The following STAG1 variants were observed in gnomAD, a reference collection of about 807,000 sequenced individuals.
The protein encoded by STAG1 is cohesin subunit SA-1.
A neutral mutation model predicts 170.9 loss-of-function variants in STAG1; 26 were observed. The observed-to-expected ratio is 0.15, with a 90% CI of 0.11 to 0.21. STAG1 has a LOEUF of 0.21. Among genes scored for constraint, STAG1 ranks in the 10% least tolerant of loss-of-function variants. The pLI is 1.00. For missense variants in STAG1, 964 were observed against 1,509.5 expected, an observed-to-expected ratio of 0.64 and a Z score of 5.99; for synonymous variants, 514 against 497.7, an observed-to-expected ratio of 1.03 and a Z score of -0.44.
chr3:136,470,698 G>A (rs923343219), intron 12 of STAG1, among the ~76,000 whole-genome samples: 22 of 152,126 alleles, frequency 1.4e-4, no homozygotes, highest in South Asian at 4.2e-4. Flanking sequence ...TGTTTATTGC[G>A]GCACTATTCA....
intron 1 of STAG1, among the ~76,000 whole-genome samples, chr3:136,700,644 T>C (rs1243689045): frequency 6.6e-6 from 1 of 151,868 alleles, no homozygotes; most frequent in African/African-American, 2.4e-5. Flanking sequence ...GGTCTCGAAC[T>C]CCTGACCACA....
intron 3 of STAG1, among the ~76,000 whole-genome samples, chr3:136,622,135 T>TAAAAAAAAAAAAAAA (rs75542452): frequency 3.2e-5 from 3 of 92,812 alleles, no homozygotes; most frequent in South Asian, 3.8e-4. Flanking sequence ...CCATCTCTAC[T>TAAAAAAAAAAAAAAA]AAAAAAAAAA....
intron 1 of STAG1, among the ~76,000 whole-genome samples, chr3:136,677,834 G>C (rs1304766771): frequency 6.7e-6 from 1 of 150,026 alleles, no homozygotes; most frequent in East Asian, 1.9e-4. Context: ...AATAATCTTA[G>C]AGAAGGAAGT....
intron 1 of STAG1, among the ~76,000 whole-genome samples, chr3:136,700,276 G>C (rs1457342926): frequency 6.7e-6 from 1 of 149,440 alleles, no homozygotes. Context: ...GAGCAATAAA[G>C]AACTAAGAAA....
chr3:136,429,635 A>G (rs2088236369), intron 16 of STAG1, among the ~76,000 whole-genome samples: 1 of 152,228 alleles, frequency 6.6e-6, no homozygotes. Context: ...AAATAGTGGA[A>G]GGAGGATTGG....
At chr3:136,532,906 A>T (rs950781367) in intron 6 of STAG1, among the ~76,000 whole-genome samples, 1 of 152,196 alleles carries the variant, frequency 6.6e-6, no homozygotes, top group Admixed American at 6.6e-5. Flanking sequence ...TGGTACTGGA[A>T]GTCCTAGACA....
chr3:136,623,343 G>T, intron 2 of STAG1, 95 bp from the exon 3 acceptor site: 1 of 1,106,178 alleles, frequency 9.0e-7, no homozygotes, highest in Non-Finnish European at 1.3e-6. Flanking sequence ...TGGCTGATTA[G>T]AAGTGGTTTA....
At chr3:136,521,713 A>G (rs1934685435) in intron 6 of STAG1, among the ~76,000 whole-genome samples, 1 of 152,204 alleles carries the variant, frequency 6.6e-6, no homozygotes, top group Non-Finnish European at 1.5e-5. Flanking sequence ...TAGTTGAGGT[A>G]ATCTGAAACA....
intron 1 of STAG1, among the ~76,000 whole-genome samples, chr3:136,704,193 G>A (rs1943160507): frequency 6.6e-6 from 1 of 151,474 alleles, no homozygotes; most frequent in African/African-American, 2.4e-5. Flanking sequence ...TGCGATTACA[G>A]GAGTGCACCA....
chr3:136,479,087 T>TA (rs1559830320), intron 9 of STAG1, among the ~76,000 whole-genome samples: 4 of 151,068 alleles, frequency 2.6e-5, no homozygotes, highest in African/African-American at 9.7e-5. Flanking sequence ...AATTTTTTTT[T>TA]TTATTATACT....
chr3:136,490,993 T>C (rs2090114872), intron 9 of STAG1, among the ~76,000 whole-genome samples: 1 of 152,248 alleles, frequency 6.6e-6, no homozygotes, highest in Non-Finnish European at 1.5e-5. Flanking sequence ...ACGGTATGTC[T>C]AGATGTAGAA....
At chr3:136,659,454 G>C (rs1003923927) in intron 1 of STAG1, among the ~76,000 whole-genome samples, 1 of 152,152 alleles carries the variant, frequency 6.6e-6, no homozygotes, top group Non-Finnish European at 1.5e-5. Context: ...TGAGCTGCAA[G>C]TGACCCGAGA....
chr3:136,731,634 T>C (rs1378573934), intron 1 of STAG1, among the ~76,000 whole-genome samples: 7 of 152,254 alleles, frequency 4.6e-5, no homozygotes, highest in Non-Finnish European at 1.0e-4. Context: ...CATATGCCCC[T>C]CCTTGTGTAC....
At chr3:136,463,761 G>GTC (rs1309003742) in intron 13 of STAG1, among the ~76,000 whole-genome samples, 2 of 85,396 alleles carry the variant, frequency 2.3e-5, no homozygotes, top group Non-Finnish European at 4.9e-5. Flanking sequence ...GTGTGTGTGT[G>GTC]TGTGTGTATA....
chr3:136,464,222 G>C (rs575112787), intron 13 of STAG1, among the ~76,000 whole-genome samples: 3 of 151,932 alleles, frequency 2.0e-5, no homozygotes, highest in East Asian at 3.9e-4. Context: ...TCGGGAGTTC[G>C]ACACCGGCCT....
At position 136,349,213 on chromosome 3, in the gene STAG1, G is replaced by A. The variant is rs143545882; in HGVS notation, c.3216C>T (p.Thr1072=). The A allele has an allele frequency of 2.3e-5, 37 of 1,613,918 alleles. No homozygotes were observed. In the African/African-American group the frequency reaches 3.9e-4, roughly 17 times the overall value. ...SVNSGSSSSK[T]SSVRNKKGRP... ...GTCCTTTCTTATTCCTTACTGATGAGGTTTTGCTGCTGCTACTTCCACTGT... is the reference window on the plus strand; with the variant it reads ...GTCCTTTCTTATTCCTTACTGATGAAGTTTTGCTGCTGCTACTTCCACTGT... The change falls in exon 29 of 34, where the codon ACC becomes ACT. Residue 1072 remains threonine (T), a synonymous_variant. Transcript: ENST00000383202.
At chr3:136,679,728 TAAAAAA>T (rs61069088) in intron 1 of STAG1, among the ~76,000 whole-genome samples, 1 of 117,704 alleles carries the variant, frequency 8.5e-6, no homozygotes. Flanking sequence ...GACTCCGTCT[TAAAAAA>T]AAAAAAAAAA....
At chr3:136,466,614 C>G (rs986984524) in intron 12 of STAG1, among the ~76,000 whole-genome samples, 2 of 152,156 alleles carry the variant, frequency 1.3e-5, no homozygotes, top group African/African-American at 2.4e-5. Flanking sequence ...CCCAATCTAG[C>G]AAGGCAGGCC....
At chr3:136,358,178 G>A (rs1366514141) in intron 27 of STAG1, among the ~76,000 whole-genome samples, 1 of 150,970 alleles carries the variant, frequency 6.6e-6, no homozygotes, top group Non-Finnish European at 1.5e-5. Flanking sequence ...TTGACTTCCT[G>A]GGCTTAGGTG....
Sources: gnomAD v4.1 joint callset for allele counts (sites outside exome capture counted in the v4.1 genomes callset) on GRCh38, gnomAD v4.1.1 for gene constraint, MANE v1.5 for transcripts, NCBI Gene and HGNC (gene_info 2026-07-23, HGNC 2026-07-21) for gene names.